Variants in PRR5L observed in about 807,000 individuals in gnomAD.
PRR5L encodes the protein proline rich 5 like, also known as proline-rich protein 5-like.
In PRR5L, 21 loss-of-function variants were observed where a neutral mutation model predicts 36.4. That is an observed-to-expected ratio of 0.58 (90% CI 0.41 to 0.83). The LOEUF (loss-of-function observed/expected upper bound fraction) is 0.83. Ranked by LOEUF, PRR5L falls within the 40% of genes least tolerant of loss-of-function variation. The pLI is 0.00. For synonymous variants in PRR5L, 188 were observed against 197.0 expected, an observed-to-expected ratio of 0.95 and a Z score of 0.38; for missense variants, 381 against 473.3, an observed-to-expected ratio of 0.80 and a Z score of 1.81.
chr11:36,429,674 T>A (rs2133596606), intron 4 of PRR5L, among the ~76,000 whole-genome samples: 1 of 152,290 alleles, frequency 6.6e-6, no homozygotes, highest in East Asian at 1.9e-4. Context: ...ACACTAGATG[T>A]GCTGAGAAGA....
At chr11:36,332,197 T>G (rs1412043027) in intron 1 of PRR5L, among the ~76,000 whole-genome samples, 2 of 152,106 alleles carry the variant, frequency 1.3e-5, no homozygotes, top group Non-Finnish European at 2.9e-5. Flanking sequence ...TTAACAAAAA[T>G]GTAATAGCAT....
At position 36,401,278 on chromosome 11, in the gene PRR5L, T is replaced by A; in HGVS notation, c.157T>A (p.Trp53Arg). Residue 53 changes from tryptophan to arginine, a missense_variant, in exon 2 of 9, where the codon TGG becomes AGG. By Grantham distance (101) the Trp-to-Arg change is moderately radical. Transcript: ENST00000530639. ...TCTGCAGCTGAGCTCCAGCTCAGCC[T>A]GGAACAGGTGAAGGAGGCTGCAGGA... ...QALQLSSSSA[W>R]NSVQTAVINV... 1 of 1,610,960 alleles carries A rather than the reference T, an allele frequency of 6.2e-7. No homozygotes were observed. Among genetic ancestry groups the A allele is most frequent in the Non-Finnish European group, 8.5e-7 (1 of 1,179,900 alleles).
intron 1 of PRR5L, among the ~76,000 whole-genome samples, chr11:36,349,142 G>A (rs1314527943): frequency 6.6e-6 from 1 of 151,866 alleles, no homozygotes; most frequent in Non-Finnish European, 1.5e-5. Context: ...AAAATTAGCC[G>A]GGCATGGTGG....
intron 1 of PRR5L, among the ~76,000 whole-genome samples, chr11:36,311,035 C>CAGTCCTGA (rs1336709800): frequency 6.8e-6 from 1 of 147,962 alleles, no homozygotes; most frequent in African/African-American, 2.5e-5. Flanking sequence ...CCAGGAATAT[C>CAGTCCTGA]AGTCCTGAAT....
intron 7 of PRR5L, among the ~76,000 whole-genome samples, chr11:36,450,277 C>T (rs950106181): frequency 8.5e-5 from 13 of 152,206 alleles, no homozygotes; most frequent in African/African-American, 3.1e-4. Context: ...TTAGAGTCTA[C>T]TCCATTTCGA....
intron 1 of PRR5L, among the ~76,000 whole-genome samples, chr11:36,331,929 G>A (rs1856723358): frequency 2.6e-5 from 4 of 152,172 alleles, no homozygotes; most frequent in African/African-American, 9.7e-5. Flanking sequence ...AACCATAAGT[G>A]TCACTCCTTA....
intron 1 of PRR5L, among the ~76,000 whole-genome samples, chr11:36,355,175 T>C (rs184785603): frequency 1.4e-4 from 22 of 152,308 alleles, no homozygotes; most frequent in Non-Finnish European, 2.4e-4. Flanking sequence ...ATTGATCCAC[T>C]TTAAGGAAGG....
chr11:36,304,038 T>A (rs1856404238), intron 1 of PRR5L, among the ~76,000 whole-genome samples: 1 of 152,150 alleles, frequency 6.6e-6, no homozygotes, highest in African/African-American at 2.4e-5. Flanking sequence ...TCACTTGAAA[T>A]GAGGGACACT....
chr11:36,330,092 C>T lies in PRR5L; in HGVS notation c.-126+33654C>T, dbSNP rs538277637. Among the ~76,000 whole-genome samples, 46 of 152,226 alleles carry T rather than the reference C, an allele frequency of 3.0e-4. 1 individual carries two copies. Among genetic ancestry groups the T allele is most frequent in the South Asian group, 6.2e-4 (3 of 4,830 alleles). ...GGGGAAGAGATTTTTATTAAACTTA[C>T]GCAAATAGCTGTATTGCCATGAAAA... On this transcript the variant is annotated intron_variant, in intron 1 of 8. Coordinates refer to ENST00000530639, the MANE Select transcript of PRR5L (RefSeq NM_001160167.2).
intron 4 of PRR5L, among the ~76,000 whole-genome samples, chr11:36,419,977 C>G (rs553108937): frequency 6.6e-6 from 1 of 152,348 alleles, no homozygotes; most frequent in South Asian, 2.1e-4. Context: ...AGTCAGACTT[C>G]TCCCCTGTCT....
chr11:36,358,564 T>C (rs1458465806), intron 1 of PRR5L, among the ~76,000 whole-genome samples: 2 of 152,244 alleles, frequency 1.3e-5, no homozygotes, highest in African/African-American at 4.8e-5. Flanking sequence ...AACTTTTATA[T>C]GCACCAGGGA....
At chr11:36,392,200 C>T (rs1417470623) in intron 1 of PRR5L, among the ~76,000 whole-genome samples, 1 of 152,180 alleles carries the variant, frequency 6.6e-6, no homozygotes, top group African/African-American at 2.4e-5. Context: ...ACCACATTTT[C>T]TTCATCCATT....
At chr11:36,376,737 G>C (rs1474231728) in intron 1 of PRR5L, 6 of 984,594 alleles carry the variant, frequency 6.1e-6, no homozygotes, top group African/African-American at 1.8e-5. Flanking sequence ...CTCTGGGAGG[G>C]GCCGGAGTCA....
At chr11:36,303,990 A>G (rs749945133) in intron 1 of PRR5L, among the ~76,000 whole-genome samples, 2 of 151,954 alleles carry the variant, frequency 1.3e-5, no homozygotes, top group Non-Finnish European at 2.9e-5. Context: ...CCCCAATTCA[A>G]CCCTAAGAGG....
intron 2 of PRR5L, among the ~76,000 whole-genome samples, chr11:36,402,358 C>T (rs1269071212): frequency 1.3e-5 from 2 of 152,200 alleles, no homozygotes; most frequent in African/African-American, 4.8e-5. Flanking sequence ...ATTCTCCTGC[C>T]TCAGCCTCCT....
chr11:36,373,612 A>AAAG (rs1293500245), intron 1 of PRR5L, among the ~76,000 whole-genome samples: 117 of 152,078 alleles, frequency 7.7e-4, no homozygotes, highest in African/African-American at 2.7e-3. Context: ...AAAAAAAAAA[A>AAAG]AAGAAAGAAA....
chr11:36,364,996 C>T (rs182006868), intron 1 of PRR5L, among the ~76,000 whole-genome samples: 12 of 152,288 alleles, frequency 7.9e-5, no homozygotes, highest in African/African-American at 1.2e-4. Context: ...TTCAGTGATC[C>T]GTACATCACA....
At chr11:36,373,606 A>T (rs2133514491) in intron 1 of PRR5L, among the ~76,000 whole-genome samples, 1 of 152,068 alleles carries the variant, frequency 6.6e-6, no homozygotes, top group South Asian at 2.1e-4. Flanking sequence ...TTTAAAAAAA[A>T]AAAAAAAAGA....
At chr11:36,317,787 T>C (rs925838607) in intron 1 of PRR5L, among the ~76,000 whole-genome samples, 4 of 152,212 alleles carry the variant, frequency 2.6e-5, no homozygotes, top group Non-Finnish European at 4.4e-5. Flanking sequence ...TTAATAAGTG[T>C]GTGCACTTTT....
Sources: allele counts gnomAD v4.1 joint callset (sites outside exome capture counted in the v4.1 genomes callset), GRCh38; gene constraint gnomAD v4.1.1; transcripts MANE v1.5; gene names NCBI Gene and HGNC (gene_info 2026-07-23, HGNC 2026-07-21).